The following ZNF148 variants were observed in gnomAD, a reference collection of about 807,000 sequenced individuals.
The protein encoded by ZNF148 is zinc finger protein 148.
A neutral mutation model predicts 67.7 loss-of-function variants in ZNF148; 7 were observed. The observed-to-expected ratio is 0.10, with a 90% CI of 0.06 to 0.19. ZNF148 has a LOEUF of 0.19. Ranked by LOEUF, ZNF148 falls within the 10% of genes least tolerant of loss-of-function variation. The probability of loss-of-function intolerance (pLI) is 1.00; values close to 1 mark genes in which losing one functional copy is unlikely to be tolerated. For synonymous variants in ZNF148, 333 were observed against 330.7 expected (o/e 1.01, Z -0.08); for missense variants, 583 against 947.1 (o/e 0.62, Z 5.05).
intron 2 of ZNF148, among the ~76,000 whole-genome samples, chr3:125,325,717 G>A (rs759537581): frequency 9.2e-5 from 14 of 152,018 alleles, no homozygotes; most frequent in Non-Finnish European, 1.9e-4. Context: ...TGACCATCTT[G>A]GCCTCCCAAA....
chr3:125,239,805 T>C (rs190939263), intron 7 of ZNF148, among the ~76,000 whole-genome samples: 243 of 152,158 alleles, frequency 1.6e-3, no homozygotes, highest in Middle Eastern at 0.01. Context: ...TATCCAACTA[T>C]AAAAATGGAA....
At chr3:125,330,213 C>A (rs1191024824) in intron 2 of ZNF148, among the ~76,000 whole-genome samples, 1 of 152,076 alleles carries the variant, frequency 6.6e-6, no homozygotes, top group African/African-American at 2.4e-5. Flanking sequence ...GTCTATAATC[C>A]CAGCACTTTG....
At chr3:125,283,176 A>G (rs1374432338) in intron 5 of ZNF148, among the ~76,000 whole-genome samples, 1 of 152,134 alleles carries the variant, frequency 6.6e-6, no homozygotes, top group African/African-American at 2.4e-5. Context: ...TACAAATAAC[A>G]AAGTCACCCT....
chr3:125,259,607 C>T (rs1937245237), intron 7 of ZNF148, among the ~76,000 whole-genome samples: 1 of 152,072 alleles, frequency 6.6e-6, no homozygotes, highest in Non-Finnish European at 1.5e-5. Flanking sequence ...ATACTATAGC[C>T]TATTAAGTGT....
rs1935711236 is a variant in ZNF148, at chr3:125,228,118, G to A, written c.*4223C>T. ...AGAGAACTATCTATTTCACAATGGA[G>A]CTGAAGTCACCTCAAAACTTACGGG... is the stretch of plus-strand genomic sequence containing the variant. On this transcript the variant is annotated 3_prime_UTR_variant, in exon 9 of 9. Transcript: ENST00000360647. The A allele has an allele frequency of 6.6e-6, 1 of 152,586 alleles. No homozygotes were observed. Among genetic ancestry groups the A allele is most frequent in the South Asian group, 2.1e-4 (1 of 4,836 alleles). The allele number at this position is 152,586 out of a possible 1,614,324, so 9.5% of individuals were successfully genotyped here.
At chr3:125,235,863 C>T (rs1437445697) in intron 7 of ZNF148, among the ~76,000 whole-genome samples, 1 of 146,924 alleles carries the variant, frequency 6.8e-6, no homozygotes, top group Non-Finnish European at 1.5e-5. Flanking sequence ...AAAAACCAAA[C>T]ACTGCATGTT....
chr3:125,338,651 C>T (rs1186714465), intron 1 of ZNF148, among the ~76,000 whole-genome samples: 1 of 93,162 alleles, frequency 1.1e-5, no homozygotes, highest in Non-Finnish European at 2.0e-5. Flanking sequence ...CAGAGTGAGA[C>T]CCTGTCTCAA....
At chr3:125,356,923 T>C (rs1942362260) in intron 1 of ZNF148, 1 of 152,238 alleles carries the variant, frequency 6.6e-6, no homozygotes, top group Non-Finnish European at 1.5e-5. Flanking sequence ...GTGTACATTT[T>C]TTGCTCTTAA....
intron 4 of ZNF148, among the ~76,000 whole-genome samples, chr3:125,309,175 G>A (rs944444164): frequency 6.6e-6 from 1 of 152,196 alleles, no homozygotes; most frequent in African/African-American, 2.4e-5. Flanking sequence ...AGTTTATGCA[G>A]TTGTCAAAAC....
intron 5 of ZNF148, among the ~76,000 whole-genome samples, chr3:125,282,456 C>A (rs1938442148): frequency 6.6e-6 from 1 of 152,096 alleles, no homozygotes; most frequent in Non-Finnish European, 1.5e-5. Flanking sequence ...CTTTATCTTG[C>A]CCCTTGTCAT....
chr3:125,362,756 T>A (rs990255231), intron 1 of ZNF148, among the ~76,000 whole-genome samples: 1 of 152,078 alleles, frequency 6.6e-6, no homozygotes, highest in African/African-American at 2.4e-5. Flanking sequence ...GGTTTCATCA[T>A]GTTGCCCAGC....
chr3:125,286,236 C>T lies in ZNF148; in HGVS notation c.459+1867G>A, dbSNP rs1331738940. Among the ~76,000 whole-genome samples, 4 of 151,674 alleles carry T rather than the reference C, an allele frequency of 2.6e-5. No individual in the cohort carries two copies. In the East Asian group the frequency reaches 5.8e-4, roughly 22 times the overall value. ...TAAATTACTGAGAAAAACATTAAAG[C>T]CCCAAAAAAAGAAGTGGAGGGAGAG... is the stretch of plus-strand genomic sequence containing the variant. On this transcript the variant is annotated intron_variant, in intron 5 of 8. Transcript: ENST00000360647.
intron 4 of ZNF148, among the ~76,000 whole-genome samples, chr3:125,305,553 T>TA (rs1939827816): frequency 6.6e-6 from 1 of 152,084 alleles, no homozygotes; most frequent in South Asian, 2.1e-4. Flanking sequence ...GGCTCACACC[T>TA]GTAATCCCAG....
At chr3:125,360,497 G>A (rs1428443282) in intron 1 of ZNF148, among the ~76,000 whole-genome samples, 1 of 151,838 alleles carries the variant, frequency 6.6e-6, no homozygotes, top group Non-Finnish European at 1.5e-5. Flanking sequence ...TGTTGCCCAG[G>A]CTGGTCTCGA....
At chr3:125,261,424 T>C (rs1216809406) in intron 7 of ZNF148, among the ~76,000 whole-genome samples, 4 of 152,326 alleles carry the variant, frequency 2.6e-5, no homozygotes, top group Non-Finnish European at 4.4e-5. Context: ...AATTTACTTA[T>C]GGCTGTAATT....
rs1196116829 is a variant in ZNF148, at chr3:125,229,022, T to C, written c.*3319A>G. The C allele has an allele frequency of 2.0e-5, 3 of 152,524 alleles. No individual in the cohort carries two copies. The allele number at this position is 152,524 out of a possible 1,614,324, so 9.4% of individuals were successfully genotyped here. On this transcript the variant is annotated 3_prime_UTR_variant, in exon 9 of 9. Coordinates refer to ENST00000360647, the MANE Select transcript of ZNF148 (RefSeq NM_021964.3). ...ATATAGCAAAACAACTGGAAAATTA[T>C]TTCCCTGAAATAAAGCAATTTGAAA...
chr3:125,228,546 A>G lies in ZNF148; in HGVS notation c.*3795T>C, dbSNP rs1213435394. On this transcript the variant is annotated 3_prime_UTR_variant, in exon 9 of 9. Coordinates refer to ENST00000360647, the MANE Select transcript of ZNF148 (RefSeq NM_021964.3). The stretch of plus-strand genomic sequence containing the variant: ...CTGCTATGTATTATTGCTTACATAC[A>G]GTACAACATCATATGCCTTCTAACA... The G allele has an allele frequency of 6.6e-6, 1 of 152,664 alleles. No homozygotes were observed. Among genetic ancestry groups the G allele is most frequent in the Non-Finnish European group, 1.5e-5 (1 of 68,036 alleles). The allele number at this position is 152,664 out of a possible 1,614,324, so 9.5% of individuals were successfully genotyped here.
chr3:125,300,059 C>T (rs1357934795), intron 4 of ZNF148, among the ~76,000 whole-genome samples: 2 of 152,192 alleles, frequency 1.3e-5, no homozygotes, highest in Non-Finnish European at 2.9e-5. Flanking sequence ...GCAACCTCCA[C>T]CTCCCAGGTT....
At position 125,350,853 on chromosome 3, in the gene ZNF148, T is replaced by C. The variant is rs1404789839; in HGVS notation, c.-233-19615A>G. Among the ~76,000 whole-genome samples, 3 of 152,228 alleles carry C rather than the reference T, an allele frequency of 2.0e-5. No individual in the cohort carries two copies. The East Asian group carries it at 5.8e-4, about 29-fold the overall frequency. ...ATACACACACACAATGGAACATTATTCATCCTTAAAGAAGGAAATTCTATA... is the reference window on the plus strand; with the variant it reads ...ATACACACACACAATGGAACATTATCCATCCTTAAAGAAGGAAATTCTATA... On this transcript the variant is annotated intron_variant, in intron 1 of 8. Coordinates refer to ENST00000360647, the MANE Select transcript of ZNF148 (RefSeq NM_021964.3).
Sources: gnomAD v4.1 joint callset for allele counts (sites outside exome capture counted in the v4.1 genomes callset) on GRCh38, gnomAD v4.1.1 for gene constraint, MANE v1.5 for transcripts, NCBI Gene and HGNC (gene_info 2026-07-23, HGNC 2026-07-21) for gene names.